The following CATSPERE variants were observed in gnomAD, a reference collection of about 807,000 sequenced individuals.
CATSPERE encodes catsper channel auxiliary subunit epsilon, also known as cation channel sperm-associated auxiliary subunit epsilon.
Under a neutral mutation model 114.1 loss-of-function variants are expected in CATSPERE, and 93 were observed. The ratio of observed to expected loss-of-function variants is 0.81; its 90% CI spans 0.69 to 0.97. CATSPERE has a LOEUF of 0.97. Ranked by LOEUF, CATSPERE falls within the 50% of genes least tolerant of loss-of-function variation. The probability of loss-of-function intolerance (pLI) is 0.00; values close to 1 mark genes in which losing one functional copy is unlikely to be tolerated. For synonymous variants in CATSPERE, 341 were observed against 384.1 expected, an observed-to-expected ratio of 0.89 and a Z score of 1.31; for missense variants, 1,058 against 1,131.6, an observed-to-expected ratio of 0.93 and a Z score of 0.93.
Position 244,552,555 on chromosome 1 carries a change from T to C in CATSPERE, c.770T>C (p.Met257Thr), listed in dbSNP as rs776922670. 6.2e-7 allele frequency: 1 copy of C among 1,614,234 alleles called. No individual in the cohort carries two copies. Among genetic ancestry groups the C allele is most frequent in the South Asian group, 1.1e-5 (1 of 91,084 alleles). ...VVASAVLVTD[M>T]ETFHTTDSFK... ...GCATCTGCTGTTTTGGTGACAGATA[T>C]GGAGACCTTTCACACAACTGATTCA... The change falls in exon 9 of 22, where the codon ATG becomes ACG. Residue 257 changes from methionine to threonine, a missense_variant. Coordinates refer to ENST00000366534, the MANE Select transcript of CATSPERE (RefSeq NM_001130957.2).
At chr1:244,634,346 G>A (rs1186994097) in intron 20 of CATSPERE, among the ~76,000 whole-genome samples, 2 of 152,146 alleles carry the variant, frequency 1.3e-5, no homozygotes, top group African/African-American at 2.4e-5. Flanking sequence ...AGAATGGGTC[G>A]ATAATACCTG....
chr1:244,592,570 A>G (rs1279131972), intron 15 of CATSPERE, among the ~76,000 whole-genome samples: 1 of 152,222 alleles, frequency 6.6e-6, no homozygotes, highest in African/African-American at 2.4e-5. Flanking sequence ...ATTAATTAAA[A>G]TAAATGAAAG....
chr1:244,495,992 A>AT (rs1673026308), intron 6 of CATSPERE, among the ~76,000 whole-genome samples: 1 of 152,136 alleles, frequency 6.6e-6, no homozygotes, highest in Admixed American at 6.5e-5. Flanking sequence ...TGCAAAACCT[A>AT]TTTCCATGAC....
chr1:244,557,474 T>C (rs1661753188), intron 9 of CATSPERE, among the ~76,000 whole-genome samples: 2 of 140,016 alleles, frequency 1.4e-5, no homozygotes, highest in Non-Finnish European at 1.6e-5. Context: ...TTCCTAAGTA[T>C]TTTATTCTTT....
chr1:244,454,049 C>A (rs1558288814), upstream of CATSPERE, among the ~76,000 whole-genome samples: 1 of 152,212 alleles, frequency 6.6e-6, no homozygotes, highest in Non-Finnish European at 1.5e-5. Flanking sequence ...GGAACGCCTT[C>A]TGTCCTCTCG....
chr1:244,596,571 A>G (rs1344099369), intron 17 of CATSPERE, among the ~76,000 whole-genome samples: 4 of 152,058 alleles, frequency 2.6e-5, no homozygotes, highest in Non-Finnish European at 4.4e-5. Context: ...AGAATCCTGT[A>G]TAAGAAAATT....
At chr1:244,620,856 A>T (rs1389211815) in intron 20 of CATSPERE, among the ~76,000 whole-genome samples, 1 of 150,758 alleles carries the variant, frequency 6.6e-6, no homozygotes, top group African/African-American at 2.4e-5. Flanking sequence ...GACCTGGATC[A>T]CAAGGCAACA....
chr1:244,451,889 G>C (rs1325171378), upstream of CATSPERE: 1 of 1,393,192 alleles, frequency 7.2e-7, no homozygotes, highest in Non-Finnish European at 9.4e-7. This position sits in a 1 kb window ranked among gnomAD's most constrained non-coding sequence, Gnocchi z 6.6. Flanking sequence ...ACTGCTCTGC[G>C]GCCGCCAGCC....
intron 20 of CATSPERE, among the ~76,000 whole-genome samples, chr1:244,634,245 A>G (rs1203165626): frequency 1.8e-4 from 27 of 152,152 alleles, no homozygotes; most frequent in Non-Finnish European, 8.8e-5. Context: ...ATAATGGTAG[A>G]GTCTACTTTG....
chr1:244,545,973 G>A (rs1197750859), intron 8 of CATSPERE, among the ~76,000 whole-genome samples: 1 of 152,188 alleles, frequency 6.6e-6, no homozygotes, highest in African/African-American at 2.4e-5. Flanking sequence ...TTTACAGATG[G>A]CTTTGCATGC....
chr1:244,453,508 G>C (rs186574702), upstream of CATSPERE, among the ~76,000 whole-genome samples: 13 of 152,298 alleles, frequency 8.5e-5, no homozygotes, highest in Non-Finnish European at 1.8e-4. Context: ...TACAAATTTG[G>C]GGGCTTGTCT....
chr1:244,478,089 A>G, intron 4 of CATSPERE, 114 bp downstream of exon 4: 1 of 723,622 alleles, frequency 1.4e-6, no homozygotes, highest in Non-Finnish European at 2.3e-6. Context: ...TGTTTTAAAT[A>G]GTATTAATTG....
At chr1:244,465,594 A>G (rs1667478894) in intron 2 of CATSPERE, among the ~76,000 whole-genome samples, 1 of 151,986 alleles carries the variant, frequency 6.6e-6, no homozygotes, top group African/African-American at 2.4e-5. Flanking sequence ...GAACTTTCTT[A>G]TTTGTCCTGG....
chr1:244,574,991 GTC>G (rs1665020402), intron 11 of CATSPERE, among the ~76,000 whole-genome samples: 1 of 151,640 alleles, frequency 6.6e-6, no homozygotes, highest in Non-Finnish European at 1.5e-5. Flanking sequence ...TCTGATCTCT[GTC>G]TCTTTCAGTC....
intron 19 of CATSPERE, among the ~76,000 whole-genome samples, chr1:244,616,524 G>C (rs1671417612): frequency 6.6e-6 from 1 of 152,228 alleles, no homozygotes; most frequent in South Asian, 2.1e-4. Context: ...GCTGGCATCT[G>C]GCAAGGGCCT....
At chr1:244,502,274 C>T (rs946969428) in intron 7 of CATSPERE, among the ~76,000 whole-genome samples, 1 of 152,056 alleles carries the variant, frequency 6.6e-6, no homozygotes, top group African/African-American at 2.4e-5. Context: ...GTACATTTTT[C>T]CTGCTTTTAC....
At chr1:244,588,367 C>T in intron 13 of CATSPERE, 115 bp from the exon 14 acceptor site, 1 of 771,194 alleles carries the variant, frequency 1.3e-6, no homozygotes, top group Non-Finnish European at 2.3e-6. Flanking sequence ...ATAAGAGAAC[C>T]CTACATTTTA....
intron 6 of CATSPERE, 51 bp downstream of exon 6, chr1:244,490,522 G>C (rs918395749): frequency 1.7e-5 from 18 of 1,074,278 alleles, no homozygotes; most frequent in Admixed American, 6.4e-5. Flanking sequence ...CTAGTATATT[G>C]TTTCTCTCTT....
rs1006850707 is a variant in CATSPERE, at chr1:244,575,045, T to C, written c.1950+2273T>C. Reference sequence around the variant, plus strand: ...TCTCCCTCTATCTCTCTCTCTCATTTGCGCTGTCTCCCTCCTGAGTTCTCC... The same window carrying C: ...TCTCCCTCTATCTCTCTCTCTCATTCGCGCTGTCTCCCTCCTGAGTTCTCC... On this transcript the variant is annotated intron_variant, in intron 11 of 21. Coordinates refer to ENST00000366534, the MANE Select transcript of CATSPERE (RefSeq NM_001130957.2). This position sits in a 1 kb window ranked among gnomAD's most constrained non-coding sequence, Gnocchi z 4.5. Among the ~76,000 whole-genome samples, 1 of 152,184 alleles carries C rather than the reference T, an allele frequency of 6.6e-6. No homozygotes were observed. Among genetic ancestry groups the C allele is most frequent in the African/African-American group, 2.4e-5 (1 of 41,444 alleles).
Sources: gnomAD v4.1 joint callset for allele counts (sites outside exome capture counted in the v4.1 genomes callset) on GRCh38, gnomAD v4.1.1 for gene constraint, Gnocchi (gnomAD v3.1) non-coding constraint, MANE v1.5 for transcripts, NCBI Gene and HGNC (gene_info 2026-07-23, HGNC 2026-07-21) for gene names.